Variants in PRKCA observed in about 807,000 individuals in gnomAD.
PRKCA encodes protein kinase C alpha, also known as protein kinase C alpha type.
In PRKCA, 27 loss-of-function variants were observed where a neutral mutation model predicts 87.0. That is an observed-to-expected ratio of 0.31 (90% confidence interval 0.23 to 0.43). The LOEUF (loss-of-function observed/expected upper bound fraction) is 0.43. Ranked by LOEUF, PRKCA falls within the 20% of genes least tolerant of loss-of-function variation. PRKCA has a pLI of 1.00. For missense variants in PRKCA, 518 were observed against 852.3 expected (o/e 0.61, Z 4.88); for synonymous variants, 329 against 311.1 (o/e 1.06, Z -0.61).
chr17:66,411,231 C>A (rs1465506281), intron 2 of PRKCA, among the ~76,000 whole-genome samples: 1 of 136,136 alleles, frequency 7.3e-6, no homozygotes, highest in Non-Finnish European at 1.6e-5. Context: ...CCCTGTAGCA[C>A]CAACATCTGG....
chr17:66,690,868 A>T (rs1340439162), intron 8 of PRKCA, among the ~76,000 whole-genome samples: 1 of 147,948 alleles, frequency 6.8e-6, no homozygotes, highest in Non-Finnish European at 1.5e-5. Flanking sequence ...AGCTGTCCGG[A>T]TGTGGTAGCT....
intron 2 of PRKCA, among the ~76,000 whole-genome samples, chr17:66,387,837 C>G (rs1910146233): frequency 6.6e-6 from 1 of 152,130 alleles, no homozygotes; most frequent in Admixed American, 6.5e-5. Flanking sequence ...CGATTGGAGC[C>G]CTCCCAGCCT....
intron 5 of PRKCA, among the ~76,000 whole-genome samples, chr17:66,646,393 C>T (rs1229518013): frequency 6.6e-6 from 1 of 152,170 alleles, no homozygotes; most frequent in Non-Finnish European, 1.5e-5. Flanking sequence ...CTTGAGTTCT[C>T]GGTACCATGA....
chr17:66,660,444 G>T (rs1971863022), intron 5 of PRKCA, among the ~76,000 whole-genome samples: 1 of 152,136 alleles, frequency 6.6e-6, no homozygotes, highest in African/African-American at 2.4e-5. Flanking sequence ...TTCCTTGAAG[G>T]AACTCAAGAT....
chr17:66,654,326 A>G (rs780727706), intron 5 of PRKCA, among the ~76,000 whole-genome samples: 3 of 152,190 alleles, frequency 2.0e-5, no homozygotes, highest in Non-Finnish European at 4.4e-5. Flanking sequence ...AGAAACCGAC[A>G]CTGATTGAAC....
intron 3 of PRKCA, among the ~76,000 whole-genome samples, chr17:66,548,894 G>A (rs8070931): frequency 0.014 from 2,129 of 151,818 alleles, 51 homozygotes; most frequent in African/African-American, 0.048. Flanking sequence ...TGCAGCCTCC[G>A]CCTCCCGGGC....
chr17:66,516,517 C>T (rs1966976071), intron 3 of PRKCA, among the ~76,000 whole-genome samples: 1 of 151,982 alleles, frequency 6.6e-6, no homozygotes, highest in South Asian at 2.1e-4. Context: ...CCTGTAATCC[C>T]AGCTACTTGG....
intron 8 of PRKCA, among the ~76,000 whole-genome samples, chr17:66,714,692 C>T (rs1309349877): frequency 6.6e-6 from 1 of 152,190 alleles, no homozygotes; most frequent in Non-Finnish European, 1.5e-5. Context: ...GCCTGCAGGA[C>T]GAGAAAGGGA....
At chr17:66,532,936 TCTTAGCACAAA>T (rs1053480823) in intron 3 of PRKCA, among the ~76,000 whole-genome samples, 2 of 152,192 alleles carry the variant, frequency 1.3e-5, no homozygotes, top group African/African-American at 4.8e-5. Flanking sequence ...AACAGTGCTT[TCTTAGCACAAA>T]ACAGACACGT....
At chr17:66,370,117 T>C (rs1432744317) in intron 2 of PRKCA, among the ~76,000 whole-genome samples, 1 of 152,164 alleles carries the variant, frequency 6.6e-6, no homozygotes, top group East Asian at 1.9e-4. Context: ...TTCCCTGTAC[T>C]TGATGGAAGC....
chr17:66,661,162 T>C (rs1184647144), intron 5 of PRKCA, among the ~76,000 whole-genome samples: 2 of 152,208 alleles, frequency 1.3e-5, no homozygotes, highest in Admixed American at 6.5e-5. Context: ...TAGACGATTC[T>C]ACAGCTTCGC....
At chr17:66,309,461 T>G (rs1048484004) in intron 2 of PRKCA, among the ~76,000 whole-genome samples, 10 of 152,212 alleles carry the variant, frequency 6.6e-5, no homozygotes, top group African/African-American at 2.2e-4. Flanking sequence ...CTTCTTTATA[T>G]TGCAATATAG....
At chr17:66,699,207 T>C (rs1432716089) in intron 8 of PRKCA, among the ~76,000 whole-genome samples, 7 of 85,816 alleles carry the variant, frequency 8.2e-5, no homozygotes, top group Non-Finnish European at 1.4e-4. Flanking sequence ...CTAGACTGTC[T>C]CTCAAAAAAA....
At chr17:66,428,794 G>A (rs1425901283) in intron 2 of PRKCA, among the ~76,000 whole-genome samples, 3 of 152,078 alleles carry the variant, frequency 2.0e-5, no homozygotes, top group East Asian at 1.9e-4. Context: ...GTGAGCCACC[G>A]CGCCCAGCCT....
At chr17:66,471,302 C>G (rs1453268558) in intron 2 of PRKCA, among the ~76,000 whole-genome samples, 1 of 152,178 alleles carries the variant, frequency 6.6e-6, no homozygotes, top group Non-Finnish European at 1.5e-5. Context: ...TCTGGCAATG[C>G]CATAGATTTT....
chr17:66,619,611 A>G (rs1970616819), intron 3 of PRKCA, among the ~76,000 whole-genome samples: 1 of 152,210 alleles, frequency 6.6e-6, no homozygotes, highest in Non-Finnish European at 1.5e-5. Context: ...CCATCCATGA[A>G]CTAAAAGCGT....
At chr17:66,679,614 C>G (rs1192670486) in intron 5 of PRKCA, among the ~76,000 whole-genome samples, 4 of 152,260 alleles carry the variant, frequency 2.6e-5, no homozygotes, top group Non-Finnish European at 5.9e-5. Context: ...GGGCTCAATA[C>G]AGCACTGCAA....
chr17:66,488,099 C>T (rs1916063218), intron 2 of PRKCA, among the ~76,000 whole-genome samples: 2 of 152,100 alleles, frequency 1.3e-5, no homozygotes, highest in Admixed American at 1.3e-4. Context: ...GTATAATACT[C>T]AGATTGCAAG....
chr17:66,610,914 G>GT (rs1223874123), intron 3 of PRKCA, among the ~76,000 whole-genome samples: 3 of 152,126 alleles, frequency 2.0e-5, no homozygotes, highest in African/African-American at 7.2e-5. Context: ...AGGAAGGGTG[G>GT]TTTAAATACT....
Sources: allele counts gnomAD v4.1 joint callset (sites outside exome capture counted in the v4.1 genomes callset), GRCh38; gene constraint gnomAD v4.1.1; transcripts MANE v1.5; gene names NCBI Gene and HGNC (gene_info 2026-07-23, HGNC 2026-07-21).